CROCC2: variants seen among roughly 807,000 people sequenced by gnomAD.
CROCC2 encodes ciliary rootlet coiled-coil, rootletin family member 2, also known as ciliary rootlet coiled-coil protein 2.
In CROCC2, 163 loss-of-function variants were observed where a neutral mutation model predicts 177.6. The observed-to-expected ratio is 0.92, with a 90% CI of 0.81 to 1.05. The LOEUF (loss-of-function observed/expected upper bound fraction) is 1.05. Ranked by LOEUF, CROCC2 falls within the 50% of genes least tolerant of loss-of-function variation. The probability of loss-of-function intolerance (pLI) is 0.00; values close to 1 mark genes in which losing one functional copy is unlikely to be tolerated. For missense variants in CROCC2, 1,929 were observed against 1,797.8 expected (o/e 1.07, Z -1.32); for synonymous variants, 904 against 787.3 (o/e 1.15, Z -2.48).
intron 27 of CROCC2, among the ~76,000 whole-genome samples, chr2:240,980,289 A>G (rs868249486): frequency 3.0e-3 from 210 of 70,552 alleles, no homozygotes; most frequent in Middle Eastern, 0.012. Flanking sequence ...ATCCCTGCTC[A>G]GTCTCTGGGG....
chr2:240,975,194 G>T (rs976978928), intron 27 of CROCC2, among the ~76,000 whole-genome samples: 4 of 152,260 alleles, frequency 2.6e-5, no homozygotes, highest in African/African-American at 4.8e-5. Flanking sequence ...TATAATGCTA[G>T]TATGGTCAAA....
chr2:240,925,926 GTGCCTATGGC>G, intron 5 of CROCC2, 46 bp downstream of exon 5: 1 of 673,108 alleles, frequency 1.5e-6, no homozygotes, highest in South Asian at 1.6e-5. Context: ...GCCTGTCTGG[GTGCCTATGGC>G]TGGGTAGCAG....
Position 240,946,042 on chromosome 2 carries a change from C to G in CROCC2, c.2170-18C>G, listed in dbSNP as rs999819031. On this transcript the variant is annotated intron_variant, in intron 14 of 31. Coordinates refer to ENST00000690015, the MANE Select transcript of CROCC2 (RefSeq NM_001351305.2). Reference sequence around the variant, plus strand: ...TACTCTCTTTCTCTGCCGACTGTCCCCTCCCCACCTCCCCTAGGTCACATG... The same window carrying G: ...TACTCTCTTTCTCTGCCGACTGTCCGCTCCCCACCTCCCCTAGGTCACATG... 1.1e-5 allele frequency: 16 copies of G among 1,480,348 alleles called. No homozygotes were observed. The highest frequency in any genetic ancestry group is 2.5e-5 in the East Asian group (1 of 39,676). 91.7% of individuals were successfully genotyped at this position (1,480,348 alleles called of 1,614,324 possible). A position where few individuals can be genotyped will look rare whatever the true frequency, so the allele number is the denominator to read the frequency against.
chr2:240,934,821 C>A, intron 12 of CROCC2, 95 bp from the exon 13 acceptor site: 1 of 1,329,334 alleles, frequency 7.5e-7, no homozygotes, highest in Non-Finnish European at 9.9e-7. Flanking sequence ...CTGGCTTGCA[C>A]ACCTCCGTGG....
At chr2:240,964,286 G>T (rs2059662105) in intron 21 of CROCC2, 180 bp from the exon 22 acceptor site, 2 of 701,342 alleles carry the variant, frequency 2.9e-6, no homozygotes, top group Non-Finnish European at 4.8e-6. Context: ...GCCGGCACCG[G>T]GACCTGGGTG....
chr2:240,910,810 C>T (rs1198479562), intron 1 of CROCC2, among the ~76,000 whole-genome samples: 1 of 152,184 alleles, frequency 6.6e-6, no homozygotes, highest in African/African-American at 2.4e-5. Flanking sequence ...GTGCTTGACT[C>T]ATTGATTGTT....
chr2:240,925,216 C>A (rs936462009), intron 4 of CROCC2, among the ~76,000 whole-genome samples: 1 of 152,196 alleles, frequency 6.6e-6, no homozygotes, highest in African/African-American at 2.4e-5. Context: ...TTAGGCCTGG[C>A]GGGGGTGCCG....
At chr2:240,914,576 C>A (rs1261814531) in intron 1 of CROCC2, among the ~76,000 whole-genome samples, 1 of 152,222 alleles carries the variant, frequency 6.6e-6, no homozygotes, top group Non-Finnish European at 1.5e-5. Flanking sequence ...GGGAAGGGAC[C>A]CTCCACCCTC....
At chr2:240,971,283 G>A (rs1024172654) in intron 27 of CROCC2, among the ~76,000 whole-genome samples, 9 of 152,178 alleles carry the variant, frequency 5.9e-5, no homozygotes, top group Non-Finnish European at 8.8e-5. Flanking sequence ...TGAATCCAAC[G>A]TAATCACAGG....
intron 31 of CROCC2, 46 bp downstream of exon 31, chr2:240,991,324 C>G: frequency 6.6e-7 from 1 of 1,508,116 alleles, no homozygotes; most frequent in Non-Finnish European, 8.9e-7. Flanking sequence ...GCCTTCAGCC[C>G]TGACTGGCCA....
chr2:240,928,081 C>G (rs1490323980), intron 5 of CROCC2, among the ~76,000 whole-genome samples: 3 of 152,232 alleles, frequency 2.0e-5, no homozygotes, highest in African/African-American at 7.2e-5. Flanking sequence ...CTGCTGGTTT[C>G]TGATCATGGT....
At position 240,982,368 on chromosome 2, in the gene CROCC2, C is replaced by A. The variant is rs941376047; in HGVS notation, c.4402-512C>A. On this transcript the variant is annotated intron_variant, in intron 27 of 31. Transcript: ENST00000690015. The surrounding 1 kb of genome is among the most constrained non-coding windows in gnomAD (Gnocchi z 4.7). ...GGGATCATGGGCCATCCCAGCTTCA[C>A]GGACTCTGGAGCTCCTGAGCTTAGT... 6.5e-6 allele frequency: 1 copy of A among 152,858 alleles called. No homozygotes were observed. Among genetic ancestry groups the A allele is most frequent in the African/African-American group, 2.4e-5 (1 of 41,442 alleles). 9.5% of individuals were successfully genotyped at this position (152,858 alleles called of 1,614,324 possible).
At chr2:240,980,288 C>A (rs35130784) in intron 27 of CROCC2, among the ~76,000 whole-genome samples, 2,544 of 59,328 alleles carry the variant, frequency 0.043, 2 homozygotes, top group East Asian at 0.16. Context: ...CATCCCTGCT[C>A]AGTCTCTGGG....
At chr2:240,945,512 C>T (rs1326106683) in intron 14 of CROCC2, among the ~76,000 whole-genome samples, 1 of 152,120 alleles carries the variant, frequency 6.6e-6, no homozygotes, top group Non-Finnish European at 1.5e-5. Context: ...ATTTTTCAGC[C>T]CAAACTCTTA....
Position 240,949,388 on chromosome 2 carries a change from G to T in CROCC2, c.2483-145G>T. ...AGCCCTGTACCCTTGACCCTGCTCA[G>T]CCCACCCTGCCATGTGCTGGCCACC... On this transcript the variant is annotated intron_variant, in intron 16 of 31. Coordinates refer to ENST00000690015, the MANE Select transcript of CROCC2 (RefSeq NM_001351305.2). This position sits in a 1 kb window ranked among gnomAD's most constrained non-coding sequence, Gnocchi z 4.5. The T allele has an allele frequency of 9.0e-7, 1 of 1,115,822 alleles. No individual in the cohort carries two copies. Among genetic ancestry groups the T allele is most frequent in the Non-Finnish European group, 1.3e-6 (1 of 786,416 alleles). The allele number at this position is 1,115,822 out of a possible 1,614,324, so 69.1% of individuals were successfully genotyped here. A position where few individuals can be genotyped will look rare whatever the true frequency, so the allele number is the denominator to read the frequency against.
intron 27 of CROCC2, among the ~76,000 whole-genome samples, chr2:240,969,256 G>A (rs1216808445): frequency 6.6e-6 from 1 of 152,258 alleles, no homozygotes; most frequent in Non-Finnish European, 1.5e-5. Flanking sequence ...GGCCTGTGCT[G>A]TTCCACGCGG....
chr2:240,945,197 A>C (rs2059515728), intron 14 of CROCC2, among the ~76,000 whole-genome samples: 1 of 152,200 alleles, frequency 6.6e-6, no homozygotes, highest in South Asian at 2.1e-4. Flanking sequence ...TGGCTTCCCA[A>C]AGTGCTGGGA....
At chr2:240,966,113 C>T in intron 24 of CROCC2, 112 bp from the exon 25 acceptor site, 1 of 1,263,422 alleles carries the variant, frequency 7.9e-7, no homozygotes, top group Non-Finnish European at 9.9e-7. Context: ...TTGTAGGAAC[C>T]TGTGGCCGTC....
intron 27 of CROCC2, among the ~76,000 whole-genome samples, chr2:240,971,831 C>T (rs548517109): frequency 6.7e-4 from 102 of 152,240 alleles, no homozygotes; most frequent in Non-Finnish European, 1.2e-3. Context: ...CTTGTCATCT[C>T]GGTTTTCCCC....
Sources: allele counts gnomAD v4.1 joint callset (sites outside exome capture counted in the v4.1 genomes callset), GRCh38; gene constraint gnomAD v4.1.1; non-coding constraint Gnocchi (gnomAD v3.1); transcripts MANE v1.5; gene names NCBI Gene and HGNC (gene_info 2026-07-23, HGNC 2026-07-21).